The following NEDD9 variants were observed in gnomAD, a reference collection of about 807,000 sequenced individuals.
NEDD9 encodes neural precursor cell expressed, developmentally down-regulated 9.
In NEDD9, 26 loss-of-function variants were observed where a neutral mutation model predicts 76.6. That is an observed-to-expected ratio of 0.34 (90% confidence interval 0.25 to 0.47). The LOEUF (loss-of-function observed/expected upper bound fraction) is 0.47, where lower values mean the gene tolerates loss of function less well. Ranked by LOEUF, NEDD9 falls within the 20% of genes least tolerant of loss-of-function variation. The pLI is 1.00. For synonymous variants in NEDD9, 392 were observed against 414.2 expected, an observed-to-expected ratio of 0.95 and a Z score of 0.65; for missense variants, 937 against 1,058.5, an observed-to-expected ratio of 0.89 and a Z score of 1.59.
chr6:11,283,487 C>A (rs1335359224), intron 3 of NEDD9, among the ~76,000 whole-genome samples: 1 of 152,146 alleles, frequency 6.6e-6, no homozygotes, highest in Non-Finnish European at 1.5e-5. Context: ...TGAGTAGAAT[C>A]TTGGTTACAG....
Position 11,241,168 on chromosome 6 carries a change from G to A in NEDD9, c.13-27441C>T, listed in dbSNP as rs1483958303. 1.3e-5 allele frequency among the ~76,000 whole-genome samples: 2 copies of A among 152,176 alleles called. No homozygotes were observed. Among genetic ancestry groups the A allele is most frequent in the Non-Finnish European group, 2.9e-5 (2 of 68,040 alleles). ...TCTCATGGCTGAAATGAGAGTGGCC[G>A]TCTCCTCTTTCCGGAGGCACTGCCC... On this transcript the variant is annotated intron_variant, in intron 3 of 3. Transcript: ENST00000397378. This position sits in a 1 kb window ranked among gnomAD's most constrained non-coding sequence, Gnocchi z 4.0.
chr6:11,316,074 AT>A (rs1761546900), intron 2 of NEDD9, among the ~76,000 whole-genome samples: 1 of 152,174 alleles, frequency 6.6e-6, no homozygotes, highest in Non-Finnish European at 1.5e-5. Flanking sequence ...GCAGAAGAGC[AT>A]TGTTTGTGGC....
rs193145990 is a variant in NEDD9, at chr6:11,348,127, A to G, written c.-213-13566T>C. The stretch of plus-strand genomic sequence containing the variant: ...AAATTGATGTACAAAAATTACGAGC[A>G]TTCCTATACACCAACAACAGTCAAG... On this transcript the variant is annotated intron_variant, in intron 1 of 3. Coordinates refer to the NEDD9 transcript ENST00000397378. Among the ~76,000 whole-genome samples the G allele has an allele frequency of 1.6e-3, 238 of 152,346 alleles. 1 individual carries two copies. The highest frequency in any genetic ancestry group is 1.9e-3 in the Non-Finnish European group (131 of 68,016).
At chr6:11,245,473 C>T (rs1759789377) in intron 3 of NEDD9, among the ~76,000 whole-genome samples, 1 of 152,210 alleles carries the variant, frequency 6.6e-6, no homozygotes, top group Non-Finnish European at 1.5e-5. Context: ...TTAATCCCTG[C>T]TGAGATTTCA....
chr6:11,316,833 G>A (rs1336664662), intron 2 of NEDD9, among the ~76,000 whole-genome samples: 1 of 152,202 alleles, frequency 6.6e-6, no homozygotes, highest in African/African-American at 2.4e-5. Context: ...GGTGGGAGAC[G>A]GAGCCGTTGG....
intron 1 of NEDD9, among the ~76,000 whole-genome samples, chr6:11,344,325 T>C (rs1363097085): frequency 6.6e-6 from 1 of 152,176 alleles, no homozygotes; most frequent in Non-Finnish European, 1.5e-5. Context: ...AAAGTCCCCG[T>C]TGTTGAAGAT....
chr6:11,312,692 T>TTTTATA (rs1761409614), intron 2 of NEDD9, among the ~76,000 whole-genome samples: 1 of 65,946 alleles, frequency 1.5e-5, no homozygotes, highest in Admixed American at 1.8e-4. Flanking sequence ...ATTATATATA[T>TTTTATA]TATATATATA....
At chr6:11,208,309 T>C (rs1164356930) in intron 2 of NEDD9, among the ~76,000 whole-genome samples, 1 of 152,228 alleles carries the variant, frequency 6.6e-6, no homozygotes, top group Non-Finnish European at 1.5e-5. Flanking sequence ...ACTCATGCTT[T>C]GCATCAAGGT....
chr6:11,328,539 G>C (rs886983534), intron 2 of NEDD9: 1 of 152,204 alleles, frequency 6.6e-6, no homozygotes, highest in Non-Finnish European at 1.5e-5. Context: ...ATTAAGTGTT[G>C]GGTGTAGGGA....
At chr6:11,277,118 TG>T (rs1760433375) in intron 3 of NEDD9, among the ~76,000 whole-genome samples, 1 of 152,154 alleles carries the variant, frequency 6.6e-6, no homozygotes, top group African/African-American at 2.4e-5. Context: ...TGGCAAAGCA[TG>T]GGGCGGAACT....
rs144017073 is a variant in NEDD9, at chr6:11,296,408, T to C, written c.12+9584A>G. On this transcript the variant is annotated intron_variant, in intron 3 of 3. Transcript: ENST00000397378. ...AAGCAGGATGGTAATTCTCACTACA[T>C]AGTGTTTTCATATTCCCTACAATAG... Among the ~76,000 whole-genome samples the C allele has an allele frequency of 1.4e-4, 22 of 152,328 alleles. No homozygotes were observed. In the East Asian group the frequency reaches 4.1e-3, roughly 28 times the overall value.
At chr6:11,245,067 G>A (rs1469081201) in intron 3 of NEDD9, among the ~76,000 whole-genome samples, 1 of 152,208 alleles carries the variant, frequency 6.6e-6, no homozygotes, top group Non-Finnish European at 1.5e-5. Flanking sequence ...AGCACATACA[G>A]GGTCTTGGAG....
intron 1 of NEDD9, among the ~76,000 whole-genome samples, chr6:11,379,641 AAATGT>A (rs1170871100): frequency 1.3e-5 from 2 of 152,154 alleles, no homozygotes; most frequent in Non-Finnish European, 2.9e-5. Context: ...ATTTTAAAAG[AAATGT>A]TTATACCATT....
At chr6:11,380,027 A>T (rs1433291916) in intron 1 of NEDD9, among the ~76,000 whole-genome samples, 2 of 152,240 alleles carry the variant, frequency 1.3e-5, no homozygotes, top group African/African-American at 4.8e-5. Flanking sequence ...GCATGGAGAC[A>T]TGTCAAGCCT....
chr6:11,369,237 A>AGAGAGTAT (rs1302078430), intron 1 of NEDD9, among the ~76,000 whole-genome samples: 1 of 152,200 alleles, frequency 6.6e-6, no homozygotes, highest in Non-Finnish European at 1.5e-5. Flanking sequence ...GAATCTCCTT[A>AGAGAGTAT]GAGAGTATGC....
chr6:11,319,074 T>C (rs1237855445), intron 2 of NEDD9, among the ~76,000 whole-genome samples: 2 of 152,278 alleles, frequency 1.3e-5, no homozygotes, highest in African/African-American at 2.4e-5. Context: ...AATATTAAAG[T>C]GACAAAGATA....
At chr6:11,257,028 T>C (rs908212309) in intron 3 of NEDD9, among the ~76,000 whole-genome samples, 5 of 152,198 alleles carry the variant, frequency 3.3e-5, no homozygotes, top group African/African-American at 1.2e-4. Flanking sequence ...ATAAGGATTG[T>C]AGGTCACTTT....
At chr6:11,188,624 C>A (rs1299893902) in intron 5 of NEDD9, among the ~76,000 whole-genome samples, 1 of 152,056 alleles carries the variant, frequency 6.6e-6, no homozygotes, top group Non-Finnish European at 1.5e-5. Context: ...ACCTGTAAAC[C>A]CCCAAATGCA....
chr6:11,285,529 C>G (rs1336664327), intron 3 of NEDD9, among the ~76,000 whole-genome samples: 1 of 151,944 alleles, frequency 6.6e-6, no homozygotes, highest in Non-Finnish European at 1.5e-5. Flanking sequence ...GGACCTAGAA[C>G]AGCACAAACA....
Sources: allele counts gnomAD v4.1 joint callset (sites outside exome capture counted in the v4.1 genomes callset), GRCh38; gene constraint gnomAD v4.1.1; non-coding constraint Gnocchi (gnomAD v3.1); transcripts MANE v1.5; gene names NCBI Gene and HGNC (gene_info 2026-07-23, HGNC 2026-07-21).